NAV2: variants seen among roughly 807,000 people sequenced by gnomAD.
NAV2 encodes the protein helicase, APC down-regulated 1.
NAV2 carries 54 observed loss-of-function variants against 223.2 expected under a neutral mutation model. That is an observed-to-expected ratio of 0.24 (90% CI 0.19 to 0.30). The LOEUF (loss-of-function observed/expected upper bound fraction) is 0.30. NAV2 is among the 10% of genes least tolerant of loss of function. The pLI is 1.00. For missense variants in NAV2, 2,806 were observed against 3,147.5 expected (o/e 0.89, Z 2.60); for synonymous variants, 1,279 against 1,239.3 (o/e 1.03, Z -0.67).
chr11:20,004,374 T>C (rs1342042850), intron 11 of NAV2, among the ~76,000 whole-genome samples: 1 of 152,180 alleles, frequency 6.6e-6, no homozygotes, highest in Admixed American at 6.5e-5. Flanking sequence ...TTCTGTCAAA[T>C]GGGCATGTAA....
chr11:19,517,727 G>T (rs943350873), intron 1 of NAV2, among the ~76,000 whole-genome samples: 1 of 152,210 alleles, frequency 6.6e-6, no homozygotes, highest in Non-Finnish European at 1.5e-5. Flanking sequence ...TCTCAGTCAG[G>T]GTTCTGTGGT....
intron 1 of NAV2, among the ~76,000 whole-genome samples, chr11:19,403,571 A>T (rs1030186174): frequency 6.6e-6 from 1 of 152,260 alleles, no homozygotes; most frequent in Non-Finnish European, 1.5e-5. Context: ...ATCAGCAGAC[A>T]GAATGGGATG....
chr11:20,108,391 G>T (rs1305682274), intron 36 of NAV2, among the ~76,000 whole-genome samples: 2 of 152,084 alleles, frequency 1.3e-5, no homozygotes, highest in African/African-American at 4.8e-5. Flanking sequence ...AGGAACTTCG[G>T]GGCCCATAAG....
rs2050000955 is a variant in NAV2 at position 19,713,358 on chromosome 11, T to A, written c.-338T>A. On this transcript the variant is annotated 5_prime_UTR_variant, in exon 1 of 38. Coordinates refer to ENST00000349880, the MANE Select transcript of NAV2 (RefSeq NM_145117.5). The surrounding 1 kb of genome is among the most constrained non-coding windows in gnomAD (Gnocchi z 7.2). ...AAGTTAATATGGGCGTCCAAGCCTC[T>A]GTTTCCCAGGAGGAAATTTGCAAGA... is the stretch of plus-strand genomic sequence containing the variant. 8.7e-7 allele frequency: 1 copy of A among 1,148,450 alleles called. No homozygotes were observed. The highest frequency in any genetic ancestry group is 1.1e-6 in the Non-Finnish European group (1 of 935,832). The allele number at this position is 1,148,450 out of a possible 1,614,324, so 71.1% of individuals were successfully genotyped here. A position where few individuals can be genotyped will look rare whatever the true frequency, so the allele number is the denominator to read the frequency against.
chr11:20,049,883 T>G lies in NAV2; in HGVS notation c.4418T>G (p.Leu1473Arg), dbSNP rs776278108. 2.8e-5 allele frequency: 45 copies of G among 1,614,070 alleles called. No homozygotes were observed. Among genetic ancestry groups the G allele is most frequent in the Non-Finnish European group, 3.7e-5 (44 of 1,180,038 alleles). Residue 1473 changes from leucine to arginine, a missense_variant, in exon 16 of 38, where the codon CTG (leucine) becomes CGG (arginine). Around this residue, in one of 4 missense-constraint regions of NAV2, gnomAD observed 742 missense variants for 777.9 expected, o/e 0.95. Coordinates refer to ENST00000349880, the MANE Select transcript of NAV2 (RefSeq NM_145117.5). ...AGCCCTAAGTTCTGCAGAAGTACTC[T>G]GCCCAGGAAACAGGACAGGTAATGA... ...AASPKFCRST[L>R]PRKQDSDPHL...
At chr11:19,468,573 C>T (rs1163166802) in intron 1 of NAV2, among the ~76,000 whole-genome samples, 1 of 152,194 alleles carries the variant, frequency 6.6e-6, no homozygotes, top group Admixed American at 6.5e-5. Context: ...GTCCTCTCTA[C>T]TCTAATGTGA....
intron 1 of NAV2, among the ~76,000 whole-genome samples, chr11:19,482,434 GTTATTGTTGCC>G (rs1213345273): frequency 2.0e-5 from 3 of 152,188 alleles, no homozygotes; most frequent in African/African-American, 7.2e-5. Context: ...GGACCCCGGG[GTTATTGTTGCC>G]TGTGGAACTG....
At chr11:20,008,081 A>G (rs2153503005) in intron 11 of NAV2, among the ~76,000 whole-genome samples, 1 of 152,354 alleles carries the variant, frequency 6.6e-6, no homozygotes, top group Admixed American at 6.5e-5. Context: ...TTAAGTTTAA[A>G]TCAGGCCAGG....
intron 1 of NAV2, among the ~76,000 whole-genome samples, chr11:19,424,717 T>C (rs1047084816): frequency 6.6e-6 from 1 of 151,878 alleles, no homozygotes; most frequent in African/African-American, 2.4e-5. Flanking sequence ...CTGGCTATTT[T>C]TTTTTGTATT....
At chr11:19,520,644 T>A (rs2043620536) in intron 1 of NAV2, among the ~76,000 whole-genome samples, 1 of 152,050 alleles carries the variant, frequency 6.6e-6, no homozygotes, top group Admixed American at 6.5e-5. Flanking sequence ...TTTTACCCTA[T>A]CTTTGGAGAC....
intron 6 of NAV2, among the ~76,000 whole-genome samples, chr11:19,927,613 G>A (rs973449627): frequency 5.9e-5 from 9 of 151,742 alleles, no homozygotes; most frequent in African/African-American, 2.2e-4. Context: ...GGTGGTATGT[G>A]CCTGTGGTTC....
At chr11:19,438,114 A>G (rs186735024) in intron 1 of NAV2, among the ~76,000 whole-genome samples, 12 of 152,294 alleles carry the variant, frequency 7.9e-5, no homozygotes, top group Middle Eastern at 3.4e-3. Context: ...CTGATCCACT[A>G]TCACCCATCC....
At chr11:19,479,641 T>C (rs1286026074) in intron 1 of NAV2, among the ~76,000 whole-genome samples, 5 of 152,200 alleles carry the variant, frequency 3.3e-5, no homozygotes, top group African/African-American at 1.2e-4. Flanking sequence ...TTTGTAGGTC[T>C]TTCATAGAAA....
chr11:20,068,256 T>G (rs986576152), intron 21 of NAV2, 47 bp downstream of exon 21: 5 of 1,610,746 alleles, frequency 3.1e-6, no homozygotes, highest in Non-Finnish European at 4.2e-6. Flanking sequence ...GTATTGTCAA[T>G]TATTTGACCC....
chr11:19,411,563 A>G (rs1850145846), intron 1 of NAV2, among the ~76,000 whole-genome samples: 1 of 152,078 alleles, frequency 6.6e-6, no homozygotes, highest in Admixed American at 6.6e-5. Flanking sequence ...TCTCAATCTC[A>G]AGGTGCCCTG....
intron 11 of NAV2, among the ~76,000 whole-genome samples, chr11:20,023,407 G>A (rs1021643441): frequency 6.6e-6 from 1 of 152,088 alleles, no homozygotes; most frequent in African/African-American, 2.4e-5. Flanking sequence ...AATGTCCTGG[G>A]TCCACCTAGA....
chr11:20,094,657 C>T (rs1458635242), intron 29 of NAV2, among the ~76,000 whole-genome samples: 3 of 152,190 alleles, frequency 2.0e-5, no homozygotes, highest in African/African-American at 7.2e-5. Context: ...TTATATTATT[C>T]TGCATCACTA....
intron 1 of NAV2, among the ~76,000 whole-genome samples, chr11:19,482,105 G>A (rs953305288): frequency 1.3e-5 from 2 of 152,234 alleles, no homozygotes; most frequent in African/African-American, 4.8e-5. Flanking sequence ...TTTATTGAAA[G>A]TCTGCTGTGG....
chr11:19,799,303 A>G (rs928315757), intron 1 of NAV2, among the ~76,000 whole-genome samples: 1 of 152,130 alleles, frequency 6.6e-6, no homozygotes, highest in African/African-American at 2.4e-5. Flanking sequence ...AGGACTTAGA[A>G]AGGTAAGGAA....
Sources: gnomAD v4.1 joint callset for allele counts (sites outside exome capture counted in the v4.1 genomes callset) on GRCh38, gnomAD v4.1.1 for gene constraint, gnomAD v4.1.1 regional missense constraint, Gnocchi (gnomAD v3.1) non-coding constraint, MANE v1.5 for transcripts, NCBI Gene and HGNC (gene_info 2026-07-23, HGNC 2026-07-21) for gene names.